The following BCAS1 variants were observed in gnomAD, a reference collection of about 807,000 sequenced individuals.
The protein encoded by BCAS1 is brain enriched myelin associated protein 1, also known as breast carcinoma-amplified sequence 1.
In BCAS1, 46 loss-of-function variants were observed where a neutral mutation model predicts 65.4. The observed-to-expected ratio is 0.70, with a 90% CI of 0.55 to 0.90. BCAS1 has a LOEUF of 0.90. BCAS1 is among the 40% of genes least tolerant of loss of function. The pLI, the probability that BCAS1 is intolerant of heterozygous loss-of-function variation, is 0.00. For synonymous variants in BCAS1, 298 were observed against 293.5 expected (o/e 1.02, Z -0.16); for missense variants, 793 against 771.2 (o/e 1.03, Z -0.33).
intron 3 of BCAS1, among the ~76,000 whole-genome samples, chr20:54,039,373 A>G (rs2091952092): frequency 6.6e-6 from 1 of 151,490 alleles, no homozygotes; most frequent in African/African-American, 2.4e-5. Context: ...AGAATTCTTG[A>G]CTATCAGCTT....
At chr20:54,050,729 C>T (rs939696177) in intron 3 of BCAS1, among the ~76,000 whole-genome samples, 1 of 152,198 alleles carries the variant, frequency 6.6e-6, no homozygotes, top group Non-Finnish European at 1.5e-5. Flanking sequence ...CCTCCCCTTG[C>T]GTCCCTCCCC....
intron 3 of BCAS1, among the ~76,000 whole-genome samples, chr20:54,046,854 A>AG (rs1273163303): frequency 6.6e-6 from 1 of 151,600 alleles, no homozygotes; most frequent in Non-Finnish European, 1.5e-5. Context: ...AAAAAAAAAA[A>AG]AAAAGAATTC....
At chr20:54,012,735 C>G (rs891020096) in intron 4 of BCAS1, among the ~76,000 whole-genome samples, 1 of 152,156 alleles carries the variant, frequency 6.6e-6, no homozygotes, top group African/African-American at 2.4e-5. Flanking sequence ...TAAAAAGATC[C>G]CGTTTAATTC....
rs1414105919 is a variant in BCAS1, at chr20:53,959,042, T to A, written c.1486-1545A>T. Among the ~76,000 whole-genome samples the A allele has an allele frequency of 4.6e-5, 7 of 152,328 alleles. No homozygotes were observed. In the East Asian group the frequency reaches 1.4e-3, roughly 29 times the overall value. On this transcript the variant is annotated intron_variant, in intron 10 of 12. Coordinates refer to ENST00000688948, the MANE Select transcript of BCAS1 (RefSeq NM_001366298.2). ...ATGACCAAACTCAAATGTGGATGTT[T>A]ATGGGATGTCCCCTCATCAGGAGTC...
chr20:54,041,541 T>G (rs1381755370), intron 3 of BCAS1, among the ~76,000 whole-genome samples: 1 of 151,984 alleles, frequency 6.6e-6, no homozygotes, highest in East Asian at 1.9e-4. Context: ...CTTGCCAAAT[T>G]GGTTAAAAAG....
chr20:53,970,671 G>T (rs1363149432), intron 9 of BCAS1, among the ~76,000 whole-genome samples: 1 of 152,134 alleles, frequency 6.6e-6, no homozygotes, highest in Non-Finnish European at 1.5e-5. Flanking sequence ...ATCTAACATT[G>T]ACAATATACA....
chr20:53,981,921 G>A (rs1179401764), intron 8 of BCAS1, among the ~76,000 whole-genome samples: 1 of 152,102 alleles, frequency 6.6e-6, no homozygotes, highest in Non-Finnish European at 1.5e-5. Context: ...CTTAGGTGGT[G>A]TTAACACCAG....
chr20:53,973,182 T>C (rs1248572775), intron 9 of BCAS1, among the ~76,000 whole-genome samples: 1 of 152,164 alleles, frequency 6.6e-6, no homozygotes, highest in African/African-American at 2.4e-5. Context: ...TGAGCCGAGA[T>C]TGCGCCACTG....
intron 8 of BCAS1, among the ~76,000 whole-genome samples, chr20:53,976,054 C>T (rs2090325343): frequency 6.6e-6 from 1 of 152,166 alleles, no homozygotes; most frequent in South Asian, 2.1e-4. Flanking sequence ...GAGCTGCAGT[C>T]CTACATATCC....
intron 3 of BCAS1, among the ~76,000 whole-genome samples, chr20:54,048,121 G>A (rs771236173): frequency 4.6e-5 from 7 of 152,108 alleles, no homozygotes; most frequent in Non-Finnish European, 7.4e-5. Flanking sequence ...GTTTCAAGGT[G>A]GAGAGTTGAG....
intron 1 of BCAS1, among the ~76,000 whole-genome samples, chr20:54,059,037 C>A (rs1406854300): frequency 6.6e-6 from 1 of 152,158 alleles, no homozygotes; most frequent in Non-Finnish European, 1.5e-5. Context: ...TGGGGAAATG[C>A]CAGATGCTTA....
Position 54,035,302 on chromosome 20 carries a change from G to C in BCAS1, c.143-6330C>G, listed in dbSNP as rs541677559. Among the ~76,000 whole-genome samples, 5 of 149,430 alleles carry C rather than the reference G, an allele frequency of 3.3e-5. No individual in the cohort carries two copies. In the South Asian group the frequency reaches 8.5e-4, roughly 25 times the overall value. On this transcript the variant is annotated intron_variant, in intron 3 of 12. Coordinates refer to ENST00000688948, the MANE Select transcript of BCAS1 (RefSeq NM_001366298.2). ...GTAGTCCCAGCTACTTGGAGAGGCT[G>C]AGGCAGGAGAATGGTGTGAACCCGG...
At chr20:54,054,432 T>C (rs2092266463) in intron 3 of BCAS1, among the ~76,000 whole-genome samples, 1 of 152,186 alleles carries the variant, frequency 6.6e-6, no homozygotes, top group African/African-American at 2.4e-5. Flanking sequence ...TCAAAAGACA[T>C]GGTCAAATAA....
intron 3 of BCAS1, among the ~76,000 whole-genome samples, chr20:54,039,592 T>C (rs2091956108): frequency 6.6e-6 from 1 of 151,468 alleles, no homozygotes; most frequent in Admixed American, 6.6e-5. Context: ...GCTACAAAAC[T>C]CTGGAATATG....
chr20:53,946,505 G>GTA (rs71196434), intron 12 of BCAS1, among the ~76,000 whole-genome samples: 45,180 of 145,816 alleles, frequency 0.31, 7,159 homozygotes, highest in East Asian at 0.46. Flanking sequence ...ATTGTATACA[G>GTA]TATATATATA....
chr20:54,017,345 A>G (rs1307302453), intron 4 of BCAS1, among the ~76,000 whole-genome samples: 1 of 151,422 alleles, frequency 6.6e-6, no homozygotes, highest in Non-Finnish European at 1.5e-5. Flanking sequence ...CTAAGGACAC[A>G]TGAGTTGGCA....
chr20:53,949,178 C>G (rs775130868), intron 12 of BCAS1, among the ~76,000 whole-genome samples: 3 of 147,444 alleles, frequency 2.0e-5, no homozygotes, highest in Non-Finnish European at 4.5e-5. Context: ...TCATATGTGT[C>G]TGTGTGTGCG....
intron 4 of BCAS1, among the ~76,000 whole-genome samples, chr20:54,024,453 T>C (rs868153408): frequency 3.9e-5 from 6 of 152,234 alleles, no homozygotes; most frequent in Middle Eastern, 6.8e-3. Context: ...AATGGGGATG[T>C]AGAAATTCAA....
Position 53,994,987 on chromosome 20 carries a change from T to C in BCAS1, c.927+25A>G, listed in dbSNP as rs1465438472. 2.5e-6 allele frequency: 4 copies of C among 1,606,356 alleles called. No individual in the cohort carries two copies. In the Admixed American group the frequency reaches 6.7e-5, roughly 27 times the overall value. On this transcript the variant is annotated intron_variant, in intron 6 of 12. Coordinates refer to ENST00000688948, the MANE Select transcript of BCAS1 (RefSeq NM_001366298.2). ...AATTCTATGCGCAAACCCAAATATA[T>C]ACATACACACTTCCAACTACCTACC... is the stretch of plus-strand genomic sequence containing the variant.
Sources: gnomAD v4.1 joint callset for allele counts (sites outside exome capture counted in the v4.1 genomes callset) on GRCh38, gnomAD v4.1.1 for gene constraint, MANE v1.5 for transcripts, NCBI Gene and HGNC (gene_info 2026-07-23, HGNC 2026-07-21) for gene names.